Variants in USH2A observed in about 807,000 individuals in gnomAD.
The protein encoded by USH2A is Usher syndrome 2A (autosomal recessive, mild).
A neutral mutation model predicts 538.9 loss-of-function variants in USH2A; 443 were observed. The observed-to-expected ratio is 0.82, with a 90% confidence interval of 0.76 to 0.89. USH2A has a LOEUF of 0.89. Ranked by LOEUF, USH2A falls within the 40% of genes least tolerant of loss-of-function variation. The pLI, the probability that USH2A is intolerant of heterozygous loss-of-function variation, is 0.00. For synonymous variants in USH2A, 2,413 were observed against 2,273.5 expected, an observed-to-expected ratio of 1.06 and a Z score of -1.75; for missense variants, 6,633 against 6,324.8, an observed-to-expected ratio of 1.05 and a Z score of -1.65.
At chr1:216,321,236 G>C (rs1232824221) in intron 9 of USH2A, among the ~76,000 whole-genome samples, 2 of 152,018 alleles carry the variant, frequency 1.3e-5, no homozygotes, top group African/African-American at 2.4e-5. Flanking sequence ...TTTCATATCA[G>C]CTATTTCTGA....
intron 44 of USH2A, among the ~76,000 whole-genome samples, chr1:215,858,934 G>A (rs913526757): frequency 2.0e-5 from 3 of 152,122 alleles, no homozygotes; most frequent in African/African-American, 7.2e-5. Context: ...AGAGGTTCGT[G>A]ATCAAGGCGC....
At chr1:216,229,936 A>C (rs574320859) in intron 14 of USH2A, among the ~76,000 whole-genome samples, 2 of 152,308 alleles carry the variant, frequency 1.3e-5, no homozygotes, top group African/African-American at 4.8e-5. Flanking sequence ...AGTGTAATGA[A>C]GGGAATCAGA....
At chr1:215,794,113 C>A (rs954519230) in intron 50 of USH2A, among the ~76,000 whole-genome samples, 1 of 152,198 alleles carries the variant, frequency 6.6e-6, no homozygotes, top group Admixed American at 6.5e-5. Flanking sequence ...TATAACACTT[C>A]TACACAACGC....
chr1:215,732,018 T>G (rs1383591825), intron 60 of USH2A, among the ~76,000 whole-genome samples: 1 of 152,196 alleles, frequency 6.6e-6, no homozygotes, highest in African/African-American at 2.4e-5. Flanking sequence ...CTGAAAATTC[T>G]TATAAAAATT....
intron 38 of USH2A, among the ~76,000 whole-genome samples, chr1:215,934,099 G>A (rs904804685): frequency 6.6e-6 from 1 of 151,948 alleles, no homozygotes; most frequent in African/African-American, 2.4e-5. Context: ...ATTAGGATCA[G>A]GAATTTAAAG....
At chr1:216,090,490 C>T (rs1013450931) in intron 22 of USH2A, among the ~76,000 whole-genome samples, 2 of 150,850 alleles carry the variant, frequency 1.3e-5, no homozygotes, top group Admixed American at 6.6e-5. Flanking sequence ...TTGTCTCTCA[C>T]ATGGACAATA....
intron 32 of USH2A, 84 bp from the exon 33 acceptor site, chr1:216,000,646 C>T: frequency 6.5e-7 from 1 of 1,529,672 alleles, no homozygotes; most frequent in South Asian, 1.1e-5. Flanking sequence ...AGTCCTATCT[C>T]AGAGAATTGT....
intron 50 of USH2A, among the ~76,000 whole-genome samples, chr1:215,794,689 G>T (rs1209944496): frequency 6.6e-6 from 1 of 152,182 alleles, no homozygotes; most frequent in Non-Finnish European, 1.5e-5. Flanking sequence ...AGAGTTGGCA[G>T]AGCTGTAGAA....
chr1:215,722,222 TATG>T lies in USH2A; in HGVS notation c.12066+5805_12066+5807del, dbSNP rs1659685021. The stretch of plus-strand genomic sequence containing the variant: ...CAGTTTATAGAACCGACCCAGGAAA[TATG>T]ATAATTATTTTTATTACTGAATTTT... On this transcript the variant is annotated intron_variant, in intron 61 of 71. Transcript: ENST00000307340. 2.6e-5 allele frequency among the ~76,000 whole-genome samples: 4 copies of T among 152,272 alleles called. No individual in the cohort carries two copies. The South Asian group carries it at 8.3e-4, about 32-fold the overall frequency.
chr1:215,738,666 G>T (rs965448109), intron 60 of USH2A, among the ~76,000 whole-genome samples: 8 of 152,096 alleles, frequency 5.3e-5, no homozygotes, highest in African/African-American at 1.9e-4. Context: ...ATGATTCAGG[G>T]TCTTGGTGAG....
At chr1:216,230,895 C>T (rs1319270094) in intron 14 of USH2A, among the ~76,000 whole-genome samples, 1 of 150,404 alleles carries the variant, frequency 6.6e-6, no homozygotes, top group Non-Finnish European at 1.5e-5. Flanking sequence ...CTCTCTCTCT[C>T]TCTCACACAC....
intron 35 of USH2A, among the ~76,000 whole-genome samples, chr1:215,978,810 G>A (rs1667681101): frequency 6.6e-6 from 1 of 152,180 alleles, no homozygotes; most frequent in African/African-American, 2.4e-5. Flanking sequence ...ATATGATGAA[G>A]CTAAGTCTCC....
At chr1:215,836,515 T>TATA (rs1418862666) in intron 47 of USH2A, among the ~76,000 whole-genome samples, 1 of 32,978 alleles carries the variant, frequency 3.0e-5, no homozygotes, top group African/African-American at 1.0e-4. Flanking sequence ...ATTATATATA[T>TATA]ATAATATATA....
At position 215,900,193 on chromosome 1, in the gene USH2A, C is replaced by T. The variant is rs777803742; in HGVS notation, c.7476G>A (p.Ser2492=). 1.3e-4 allele frequency: 203 copies of T among 1,613,344 alleles called. No homozygotes were observed. Among genetic ancestry groups the T allele is most frequent in the Non-Finnish European group, 1.6e-4 (189 of 1,179,706 alleles). ...GGAGATCACTCACTTCATAGCTTAACGATGCAGAAGGATTGGAAAATAACC... is the reference window on the plus strand; with the variant it reads ...GGAGATCACTCACTTCATAGCTTAATGATGCAGAAGGATTGGAAAATAACC... The part of the protein sequence containing the change: ...FLELFSNPSA[S]LSYEVSDLQP... The change falls in exon 40 of 72, where the codon TCG becomes TCA. Residue 2492 remains serine, a synonymous_variant. Transcript: ENST00000307340.
intron 35 of USH2A, among the ~76,000 whole-genome samples, chr1:215,984,769 T>C (rs1437748976): frequency 1.3e-5 from 2 of 152,202 alleles, no homozygotes; most frequent in Admixed American, 6.5e-5. Flanking sequence ...GTAGTGAATA[T>C]AGATGCTCCA....
intron 9 of USH2A, among the ~76,000 whole-genome samples, chr1:216,313,727 T>C (rs1296308814): frequency 6.7e-6 from 1 of 149,836 alleles, no homozygotes; most frequent in Non-Finnish European, 1.5e-5. Flanking sequence ...TATTGATATA[T>C]ATATCTGTAA....
chr1:216,213,330 C>T (rs2035281418), intron 15 of USH2A, among the ~76,000 whole-genome samples: 1 of 151,954 alleles, frequency 6.6e-6, no homozygotes, highest in Non-Finnish European at 1.5e-5. Flanking sequence ...CTTTTACTTA[C>T]TTTTTCTTGA....
chr1:216,294,508 T>A (rs2037066656), intron 9 of USH2A, among the ~76,000 whole-genome samples: 1 of 151,948 alleles, frequency 6.6e-6, no homozygotes, highest in Non-Finnish European at 1.5e-5. Flanking sequence ...TCAACCCTTC[T>A]GCAATCATTA....
chr1:215,701,952 T>C (rs960470156), intron 61 of USH2A, among the ~76,000 whole-genome samples: 1 of 152,240 alleles, frequency 6.6e-6, no homozygotes, highest in Admixed American at 6.5e-5. Context: ...CAGTGGCTGG[T>C]AGAAGTTTTT....
Sources: gnomAD v4.1 joint callset for allele counts (sites outside exome capture counted in the v4.1 genomes callset) on GRCh38, gnomAD v4.1.1 for gene constraint, MANE v1.5 for transcripts, NCBI Gene and HGNC (gene_info 2026-07-23, HGNC 2026-07-21) for gene names.